TRAPPC9: variants seen among roughly 807,000 people sequenced by gnomAD.
TRAPPC9 encodes the protein IKK2 binding protein.
In TRAPPC9, 83 loss-of-function variants were observed where a neutral mutation model predicts 124.0. The ratio of observed to expected loss-of-function variants is 0.67; its 90% CI spans 0.56 to 0.80. The LOEUF (loss-of-function observed/expected upper bound fraction) is 0.80, where lower values mean the gene tolerates loss of function less well. Among genes scored for constraint, TRAPPC9 ranks in the 30% least tolerant of loss-of-function variants. The pLI, the probability that TRAPPC9 is intolerant of heterozygous loss-of-function variation, is 0.00. For missense variants in TRAPPC9, 1,302 were observed against 1,508.3 expected (o/e 0.86, Z 2.27); for synonymous variants, 638 against 617.5 (o/e 1.03, Z -0.49).
chr8:139,989,176 T>C (rs1837463642), intron 18 of TRAPPC9, among the ~76,000 whole-genome samples: 1 of 152,216 alleles, frequency 6.6e-6, no homozygotes, highest in Non-Finnish European at 1.5e-5. Context: ...CTGGAACACC[T>C]GACTCTAAAG....
intron 21 of TRAPPC9, among the ~76,000 whole-genome samples, chr8:139,768,316 C>A (rs981353186): frequency 6.6e-6 from 1 of 152,238 alleles, no homozygotes; most frequent in African/African-American, 2.4e-5. Context: ...GACCCTGGAG[C>A]CACAGCAGTG....
rs573950702 is a variant in TRAPPC9, at chr8:140,284,099, G to A, written c.1982-78C>T. 126 of 1,590,634 alleles carry A rather than the reference G, an allele frequency of 7.9e-5. 1 individual carries two copies. In the South Asian group the frequency reaches 1.0e-3, roughly 13 times the overall value. ...GCCCACGGCTGAAGCAGTGCGAAGA[G>A]TACGGGGCTCCTCTTCAGAAGACCT... On this transcript the variant is annotated intron_variant, in intron 13 of 22. Transcript: ENST00000438773.
At chr8:139,737,472 C>CCCCA (rs1554633740) in intron 21 of TRAPPC9, among the ~76,000 whole-genome samples, 1 of 118,988 alleles carries the variant, frequency 8.4e-6, no homozygotes, top group Admixed American at 7.7e-5. Context: ...GCCCTCCCCC[C>CCCCA]CCCCCCACGG....
chr8:140,436,658 T>C (rs1472234948), intron 3 of TRAPPC9, among the ~76,000 whole-genome samples: 1 of 152,118 alleles, frequency 6.6e-6, no homozygotes, highest in Non-Finnish European at 1.5e-5. Context: ...GCCCTCCTCA[T>C]CCAGTCCAGC....
chr8:139,839,779 C>T lies in TRAPPC9; in HGVS notation c.3055+46100G>A, dbSNP rs201894548. 5.9e-5 allele frequency among the ~76,000 whole-genome samples: 9 copies of T among 152,278 alleles called. No individual in the cohort carries two copies. The East Asian group carries it at 1.4e-3, about 23-fold the overall frequency. ...CAAAGAATGTTCCAGGGTGAGCAAA[C>T]GGACCATCCAAAGGGAGAGTGGGCA... On this transcript the variant is annotated intron_variant, in intron 21 of 22. Transcript: ENST00000438773.
intron 17 of TRAPPC9, among the ~76,000 whole-genome samples, chr8:140,074,848 C>T (rs1243551993): frequency 2.0e-5 from 3 of 152,152 alleles, no homozygotes; most frequent in Non-Finnish European, 4.4e-5. Flanking sequence ...GCAGGGACTA[C>T]GGGACCACAG....
rs531510679 is a variant in TRAPPC9 at position 140,052,791 on chromosome 8, A to T, written c.2557-28712T>A. 1.6e-3 allele frequency among the ~76,000 whole-genome samples: 241 copies of T among 152,146 alleles called. 1 individual carries two copies. Among genetic ancestry groups the T allele is most frequent in the African/African-American group, 5.4e-3 (222 of 41,490 alleles). On this transcript the variant is annotated intron_variant, in intron 17 of 22. Coordinates refer to ENST00000438773, the MANE Select transcript of TRAPPC9 (RefSeq NM_001160372.4). ...AGCAAGACTCCGTCTCAAAAAAAAA[A>T]AAAAATTTAGTCAGGCATGGTGGCA...
rs2062920134 is a variant in TRAPPC9 at position 140,206,509 on chromosome 8, G to A, written c.2556+14950C>T. On this transcript the variant is annotated intron_variant, in intron 17 of 22. Transcript: ENST00000438773. ...TTGGCAGAACAAGGAAAAAAATCTA[G>A]GATATTCAAGTTTTGATTTACAAAA... Among the ~76,000 whole-genome samples the A allele has an allele frequency of 2.0e-5, 3 of 152,132 alleles. No individual in the cohort carries two copies. In the South Asian group the frequency reaches 6.2e-4, roughly 32 times the overall value.
chr8:140,430,944 A>T (rs1226588101), intron 4 of TRAPPC9, among the ~76,000 whole-genome samples: 1 of 151,986 alleles, frequency 6.6e-6, no homozygotes, highest in East Asian at 1.9e-4. Flanking sequence ...CCGGCAGAGA[A>T]TGTGGTTTCA....
intron 21 of TRAPPC9, among the ~76,000 whole-genome samples, chr8:139,802,862 G>A (rs954836943): frequency 4.6e-5 from 7 of 152,088 alleles, no homozygotes; most frequent in African/African-American, 1.2e-4. Flanking sequence ...CTGAAGGTGC[G>A]TGTGTGTGTG....
intron 21 of TRAPPC9, among the ~76,000 whole-genome samples, chr8:139,737,999 T>C (rs151251542): frequency 0.012 from 1,884 of 152,250 alleles, 37 homozygotes; most frequent in African/African-American, 0.043. Flanking sequence ...CGGATGCAAT[T>C]GAGAGGAAGG....
chr8:140,116,532 T>C (rs544129733), intron 17 of TRAPPC9, among the ~76,000 whole-genome samples: 33 of 152,300 alleles, frequency 2.2e-4, no homozygotes, highest in African/African-American at 7.7e-4. Flanking sequence ...TTGTTTGGCA[T>C]TGCCGTTATT....
intron 18 of TRAPPC9, among the ~76,000 whole-genome samples, chr8:140,006,564 G>C (rs1203269949): frequency 6.6e-6 from 1 of 152,164 alleles, no homozygotes; most frequent in African/African-American, 2.4e-5. Context: ...GTTCATAATA[G>C]CATTATTCAC....
chr8:140,054,232 G>A (rs1048128559), intron 17 of TRAPPC9, among the ~76,000 whole-genome samples: 1 of 152,098 alleles, frequency 6.6e-6, no homozygotes, highest in Admixed American at 6.5e-5. Context: ...TGACCATTTG[G>A]GTTATGGGTT....
At chr8:140,416,505 T>C (rs1012647042) in intron 5 of TRAPPC9, among the ~76,000 whole-genome samples, 6 of 152,214 alleles carry the variant, frequency 3.9e-5, no homozygotes, top group African/African-American at 1.4e-4. Flanking sequence ...GGAATACAAC[T>C]TACAAGGGAT....
Position 139,737,468 on chromosome 8 carries a change from C to CCCA in TRAPPC9, c.3056-5267_3056-5266insTGG, listed in dbSNP as rs1009934281. On this transcript the variant is annotated intron_variant, in intron 21 of 22. Transcript: ENST00000438773. ...CTTCAGGCGGGGGTCATCAGCCCTC[C>CCCA]CCCCCCCCCCACGGAAAACCCTGAG... is the stretch of plus-strand genomic sequence containing the variant. 3.6e-4 allele frequency among the ~76,000 whole-genome samples: 32 copies of CCCA among 87,934 alleles called. 5 individuals carry two copies. Among genetic ancestry groups the CCCA allele is most frequent in the Admixed American group, 6.7e-4 (6 of 9,006 alleles). The allele number at this position is 87,934 out of a possible 152,430, so 57.7% of individuals were successfully genotyped here. A position where few individuals can be genotyped will look rare whatever the true frequency, so the allele number is the denominator to read the frequency against.
At chr8:140,258,430 T>C (rs2064322581) in intron 15 of TRAPPC9, among the ~76,000 whole-genome samples, 1 of 152,248 alleles carries the variant, frequency 6.6e-6, no homozygotes, top group African/African-American at 2.4e-5. Flanking sequence ...ATAATTCTTT[T>C]GTTCTTGAAG....
Position 140,160,220 on chromosome 8 carries a change from T to C in TRAPPC9, c.2556+61239A>G, listed in dbSNP as rs370294017. ...GTGGGAGTGTAAATTAGTTCAACCA[T>C]TGGTGAAGACAGTGTGGCGATCCCT... On this transcript the variant is annotated intron_variant, in intron 17 of 22. Transcript: ENST00000438773. 1.7e-3 allele frequency among the ~76,000 whole-genome samples: 254 copies of C among 152,274 alleles called. No homozygotes were observed. In the South Asian group the frequency reaches 0.031, roughly 19 times the overall value.
At chr8:140,327,982 C>T (rs907150304) in intron 9 of TRAPPC9, among the ~76,000 whole-genome samples, 5 of 152,118 alleles carry the variant, frequency 3.3e-5, no homozygotes, top group African/African-American at 4.8e-5. Flanking sequence ...TGGCCGGGCG[C>T]GGTGGCTCAC....
Sources: allele counts gnomAD v4.1 joint callset (sites outside exome capture counted in the v4.1 genomes callset), GRCh38; gene constraint gnomAD v4.1.1; transcripts MANE v1.5; gene names NCBI Gene and HGNC (gene_info 2026-07-23, HGNC 2026-07-21).